Variants in ATG12 observed in about 807,000 individuals in gnomAD.
The protein encoded by ATG12 is autophagy related 12, also known as ubiquitin-like protein ATG12.
Under a neutral mutation model 17.6 loss-of-function variants are expected in ATG12, and 19 were observed. The observed-to-expected ratio is 1.08, with a 90% CI of 0.75 to 1.58. The LOEUF is 1.58. Ranked by LOEUF, ATG12 falls within the 40% of genes most tolerant of loss-of-function variation. The probability of loss-of-function intolerance (pLI) is 0.00; values close to 1 mark genes in which losing one functional copy is unlikely to be tolerated. For missense variants in ATG12, 214 were observed against 162.0 expected (o/e 1.32, Z -1.74); for synonymous variants, 75 against 62.4 (o/e 1.20, Z -0.95).
chr5:115,830,145 T>C lies in ATG12; in HGVS notation c.*1659A>G, dbSNP rs933271085. ...TAAAAAAAAAAAAAAAAAAAAAAAGTGCAAAGTCCTATGTATTCTTCAGAG... is the reference window on the plus strand; with the variant it reads ...TAAAAAAAAAAAAAAAAAAAAAAAGCGCAAAGTCCTATGTATTCTTCAGAG... On this transcript the variant is annotated 3_prime_UTR_variant, in exon 4 of 4. Coordinates refer to ENST00000509910, the MANE Select transcript of ATG12 (RefSeq NM_004707.4). The C allele has an allele frequency of 1.6e-5, 2 of 128,226 alleles. No homozygotes were observed. Among genetic ancestry groups the C allele is most frequent in the Non-Finnish European group, 3.3e-5 (2 of 60,402 alleles). The allele number at this position is 128,226 out of a possible 1,614,324, so 7.9% of individuals were successfully genotyped here.
In ATG12 at chr5:115,829,350, T is replaced by G. The variant is rs550897566; in HGVS notation, c.*2454A>C. Reference sequence around the variant, plus strand: ...AATCTGAGAAATACACTGTACTTCGTTCTAGTAGATATTTAAGGTCCCTTT... The same window carrying G: ...AATCTGAGAAATACACTGTACTTCGGTCTAGTAGATATTTAAGGTCCCTTT... On this transcript the variant is annotated 3_prime_UTR_variant, in exon 4 of 4. Transcript: ENST00000509910. 40 of 152,350 alleles carry G rather than the reference T, an allele frequency of 2.6e-4. No individual in the cohort carries two copies. In the South Asian group the frequency reaches 8.3e-3, roughly 32 times the overall value. The allele number at this position is 152,350 out of a possible 1,614,324, so 9.4% of individuals were successfully genotyped here. A position where few individuals can be genotyped will look rare whatever the true frequency, so the allele number is the denominator to read the frequency against.
chr5:115,835,085 ATT>A (rs1247656674), intron 2 of ATG12: 1 of 151,772 alleles, frequency 6.6e-6, no homozygotes, highest in Non-Finnish European at 1.5e-5. Flanking sequence ...TTCTGAAATA[ATT>A]TTCTTTTATT....
Position 115,841,283 on chromosome 5 carries a change from G to C in ATG12, c.163+107C>G, listed in dbSNP as rs1761454008. The stretch of plus-strand genomic sequence containing the variant: ...TCTTCTGATGACTGGTCAAAATGCA[G>C]GTCTAGGACAGGCGCTCCTCTAAAT... On this transcript the variant is annotated intron_variant, in intron 1 of 3. Coordinates refer to ENST00000509910, the MANE Select transcript of ATG12 (RefSeq NM_004707.4). 3 of 1,444,574 alleles carry C rather than the reference G, an allele frequency of 2.1e-6. 1 individual carries two copies. The highest frequency in any genetic ancestry group is 2.8e-6 in the Non-Finnish European group (3 of 1,054,298). 89.5% of individuals were successfully genotyped at this position (1,444,574 alleles called of 1,614,324 possible). A position where few individuals can be genotyped will look rare whatever the true frequency, so the allele number is the denominator to read the frequency against.
In ATG12 at chr5:115,831,755, T is replaced by C; in HGVS notation, c.*49A>G. ...CATCAAAACTTTTCAGAGCTGTCTC[T>C]TCCGTGAAAATCCATTTCATGTAGT... is the stretch of plus-strand genomic sequence containing the variant. On this transcript the variant is annotated 3_prime_UTR_variant, in exon 4 of 4. Transcript: ENST00000509910. 6.3e-7 allele frequency: 1 copy of C among 1,578,042 alleles called. No individual in the cohort carries two copies. Among genetic ancestry groups the C allele is most frequent in the Non-Finnish European group, 8.7e-7 (1 of 1,152,800 alleles).
intron 1 of ATG12, 185 bp downstream of exon 1, chr5:115,841,205 G>A (rs765748336): frequency 8.4e-6 from 6 of 717,746 alleles, no homozygotes; most frequent in East Asian, 5.8e-5. Context: ...AGACAGAGAT[G>A]GTATTTTAAC....
At chr5:115,832,481 G>C in intron 3 of ATG12, 121 bp downstream of exon 3, 1 of 1,154,762 alleles carries the variant, frequency 8.7e-7, no homozygotes, top group Non-Finnish European at 1.1e-6. Context: ...GCCATCTCTT[G>C]AAATAAAAAT....
chr5:115,834,410 T>C (rs1761007389), intron 2 of ATG12: 1 of 152,222 alleles, frequency 6.6e-6, no homozygotes, highest in South Asian at 2.1e-4. Context: ...GGCGTATAAT[T>C]TGTTACTTTA....
At chr5:115,840,796 C>T (rs1321054885) in intron 1 of ATG12, 1 of 1,203,134 alleles carries the variant, frequency 8.3e-7, no homozygotes, top group Non-Finnish European at 1.1e-6. Flanking sequence ...GGATAGCTGA[C>T]TCAAGCAATG....
At chr5:115,833,525 C>T (rs1760972028) in intron 2 of ATG12, 1 of 152,020 alleles carries the variant, frequency 6.6e-6, no homozygotes, top group African/African-American at 2.4e-5. Flanking sequence ...GGTTTGAATC[C>T]TGGCTTTACA....
intron 2 of ATG12, chr5:115,835,204 T>C (rs937377234): frequency 1.3e-5 from 2 of 152,202 alleles, no homozygotes; most frequent in East Asian, 3.8e-4. Context: ...AAATACAAGG[T>C]TACAATTTTC....
intron 2 of ATG12, among the ~76,000 whole-genome samples, chr5:115,836,368 G>A (rs900568792): frequency 6.6e-6 from 1 of 152,098 alleles, no homozygotes; most frequent in African/African-American, 2.4e-5. Context: ...CTAAACTAAT[G>A]CATTAAATTA....
At chr5:115,837,983 T>C (rs56997929) in intron 1 of ATG12, 7,998 of 405,598 alleles carry the variant, frequency 0.02, 617 homozygotes, top group African/African-American at 0.15. Context: ...TAAAATGCCT[T>C]TTATCTTAAC....
At chr5:115,838,574 T>C (rs990996388) in intron 1 of ATG12, 1 of 152,244 alleles carries the variant, frequency 6.6e-6, no homozygotes. Flanking sequence ...TTGTAGGCAA[T>C]GATTACTTGG....
At chr5:115,839,606 A>T (rs1206059194) in intron 1 of ATG12, 4 of 152,198 alleles carry the variant, frequency 2.6e-5, no homozygotes, top group Non-Finnish European at 5.9e-5. Context: ...CTCTCTTTTT[A>T]ATTTTAAAGG....
At chr5:115,837,789 T>C in intron 1 of ATG12, 25 bp from the exon 2 acceptor site, 1 of 1,572,952 alleles carries the variant, frequency 6.4e-7, no homozygotes, top group Non-Finnish European at 8.6e-7. Context: ...TAAAATTTAC[T>C]GACAATTACA....
intron 1 of ATG12, among the ~76,000 whole-genome samples, chr5:115,839,871 C>T (rs543663246): frequency 6.6e-6 from 1 of 152,312 alleles, no homozygotes; most frequent in East Asian, 1.9e-4. Context: ...AACTCAAATG[C>T]TAACAAGAGC....
chr5:115,833,495 T>C (rs990648188), intron 2 of ATG12: 2 of 152,096 alleles, frequency 1.3e-5, no homozygotes, highest in African/African-American at 2.4e-5. Flanking sequence ...ATTAAGTGTA[T>C]AGGCTCTGAG....
At chr5:115,840,366 C>A (rs1761329113) in intron 1 of ATG12, 2 of 184,012 alleles carry the variant, frequency 1.1e-5, no homozygotes, top group South Asian at 1.4e-4. Flanking sequence ...GGCGAGACCT[C>A]CGCCCACTGC....
At position 115,832,624 on chromosome 5, in the gene ATG12, T is replaced by C. The variant is rs773685540; in HGVS notation, c.341A>G (p.Gln114Arg). 2.1e-6 allele frequency: 3 copies of C among 1,446,596 alleles called. No homozygotes were observed. The highest frequency in any genetic ancestry group is 2.9e-5 in the East Asian group (1 of 34,276). 89.6% of individuals were successfully genotyped at this position (1,446,596 alleles called of 1,614,324 possible). The change falls in exon 3 of 4, where the codon CAA becomes CGA. Residue 114 changes from glutamine (Q) to arginine (R), a missense_variant. Transcript: ENST00000509910. ...TACCTCATAGAGAGTTCCAACTTCTTGGTCTGGGGAAGGAGCAAAGGACTG... is the reference window on the plus strand; with the variant it reads ...TACCTCATAGAGAGTTCCAACTTCTCGGTCTGGGGAAGGAGCAAAGGACTG... ...VNQSFAPSPD[Q>R]EVGTLYECFG...
Sources: allele counts gnomAD v4.1 joint callset (sites outside exome capture counted in the v4.1 genomes callset), GRCh38; gene constraint gnomAD v4.1.1; transcripts MANE v1.5; gene names NCBI Gene and HGNC (gene_info 2026-07-23, HGNC 2026-07-21).